Variants in FAM161B observed in about 807,000 individuals in gnomAD.
The protein encoded by FAM161B is protein FAM161B.
FAM161B carries 46 observed loss-of-function variants against 61.5 expected under a neutral mutation model. That is an observed-to-expected ratio of 0.75 (90% CI 0.59 to 0.96). The LOEUF (loss-of-function observed/expected upper bound fraction) is 0.96. Among genes scored for constraint, FAM161B ranks in the 40% least tolerant of loss-of-function variants. The pLI is 0.00. For missense variants in FAM161B, 774 were observed against 800.7 expected, an observed-to-expected ratio of 0.97 and a Z score of 0.40; for synonymous variants, 284 against 302.7, an observed-to-expected ratio of 0.94 and a Z score of 0.64.
chr14:73,946,125 A>G (rs151223726), intron 2 of FAM161B, among the ~76,000 whole-genome samples, 161 bp downstream of exon 2: 260 of 152,318 alleles, frequency 1.7e-3, no homozygotes, highest in African/African-American at 5.9e-3. Context: ...GAGGAATCAG[A>G]ACACCTGTTT....
chr14:73,944,565 T>G lies in FAM161B; in HGVS notation c.695A>C (p.Glu232Ala). Residue 232 changes from glutamate to alanine, a missense_variant, in exon 3 of 9, where the codon GAG becomes GCG. By Grantham distance (107) the Glu-to-Ala change is moderately radical. Transcript: ENST00000286544. ...TCGGGCCTCGCTGCGCTCCATGATC[T>G]CTTGGTAGAGGGGCAGGTAGACATG... ...PAHVYLPLYQEIMERSEARRQ... is the reference protein window; with the variant it reads ...PAHVYLPLYQAIMERSEARRQ... 1 of 1,614,014 alleles carries G rather than the reference T, an allele frequency of 6.2e-7. No homozygotes were observed. The highest frequency in any genetic ancestry group is 8.5e-7 in the Non-Finnish European group (1 of 1,179,982).
the FAM161B span, chr14:73,923,378 T>C: frequency 6.2e-7 from 1 of 1,608,604 alleles, no homozygotes; most frequent in Non-Finnish European, 8.5e-7. Flanking sequence ...TTGAAACATT[T>C]TTCTGTTGCT....
Position 73,932,561 on chromosome 14 carries a change from T to C in FAM161B, c.*1695A>G. On this transcript the variant is annotated 3_prime_UTR_variant, in exon 9 of 9. Transcript: ENST00000286544. ...TTAAAAAAGCTTGAGAAAGGTGCTT[T>C]AGTTAGAGCAGGCACTCTTGCTATC... 1 of 432,478 alleles carries C rather than the reference T, an allele frequency of 2.3e-6. No individual in the cohort carries two copies. Among genetic ancestry groups the C allele is most frequent in the Non-Finnish European group, 4.6e-6 (1 of 218,680 alleles). 26.8% of individuals were successfully genotyped at this position (432,478 alleles called of 1,614,324 possible). A position where few individuals can be genotyped will look rare whatever the true frequency, so the allele number is the denominator to read the frequency against.
chr14:73,939,679 G>A (rs17094107), intron 5 of FAM161B, among the ~76,000 whole-genome samples: 10,313 of 152,224 alleles, frequency 0.068, 867 homozygotes, highest in East Asian at 0.44. Context: ...AGAGAGAACT[G>A]GAAATGAGCC....
chr14:73,947,036 C>G (rs2056073177), intron 1 of FAM161B, among the ~76,000 whole-genome samples: 1 of 152,132 alleles, frequency 6.6e-6, no homozygotes, highest in African/African-American at 2.4e-5. Flanking sequence ...TCTCTCCCTT[C>G]CCTTATTTCT....
Position 73,942,665 on chromosome 14 carries a change from G to C in FAM161B, c.976C>G (p.Leu326Val). The change falls in exon 4 of 9, where the codon CTC becomes GTC. Residue 326 changes from leucine to valine, a missense_variant. Transcript: ENST00000286544. Reference sequence around the variant, plus strand: ...GCGATAGGGGAAGAGGCCATCTGGAGCATGTCCAGGGCTCTCATTTGGATG... The same window carrying C: ...GCGATAGGGGAAGAGGCCATCTGGACCATGTCCAGGGCTCTCATTTGGATG... ...IRIQMRALDM[L>V]QMASSPIASS... 1 of 1,614,198 alleles carries C rather than the reference G, an allele frequency of 6.2e-7. No homozygotes were observed. The highest frequency in any genetic ancestry group is 1.1e-5 in the South Asian group (1 of 91,084).
intron 7 of FAM161B, among the ~76,000 whole-genome samples, chr14:73,937,222 C>G (rs1276418592): frequency 6.6e-6 from 1 of 152,174 alleles, no homozygotes; most frequent in Admixed American, 6.5e-5. Context: ...TGGGGAGGCC[C>G]AGGGCCAGCA....
Position 73,934,145 on chromosome 14 carries a change from G to T in FAM161B, c.*111C>A. 1 of 1,302,212 alleles carries T rather than the reference G, an allele frequency of 7.7e-7. No homozygotes were observed. The highest frequency in any genetic ancestry group is 1.1e-6 in the Non-Finnish European group (1 of 950,266). 80.7% of individuals were successfully genotyped at this position (1,302,212 alleles called of 1,614,324 possible). A position where few individuals can be genotyped will look rare whatever the true frequency, so the allele number is the denominator to read the frequency against. ...CCTGTTAATCTGCTACTCTTCATTT[G>T]TCCATCCTCTAACAGTAGCCATGAC... On this transcript the variant is annotated 3_prime_UTR_variant, in exon 9 of 9. Coordinates refer to ENST00000286544, the MANE Select transcript of FAM161B (RefSeq NM_152445.3).
In FAM161B at chr14:73,932,761, A is replaced by T. The variant is rs778735315; in HGVS notation, c.*1495T>A. ...CACCTCAGCCTCCTGAATAGCTAGG[A>T]CTATAGGCATGTACCACCAGTCCAG... On this transcript the variant is annotated 3_prime_UTR_variant, in exon 9 of 9. Coordinates refer to ENST00000286544, the MANE Select transcript of FAM161B (RefSeq NM_152445.3). The T allele has an allele frequency of 1.5e-5, 4 of 266,052 alleles. No homozygotes were observed. Among genetic ancestry groups the T allele is most frequent in the African/African-American group, 2.3e-5 (1 of 44,152 alleles). 16.5% of individuals were successfully genotyped at this position (266,052 alleles called of 1,614,324 possible).
intron 5 of FAM161B, among the ~76,000 whole-genome samples, chr14:73,939,497 G>A (rs948473512): frequency 1.3e-5 from 2 of 152,146 alleles, no homozygotes; most frequent in African/African-American, 2.4e-5. Flanking sequence ...GGTGATTGAG[G>A]CTCAAAGGAG....
At position 73,933,437 on chromosome 14, in the gene FAM161B, G is replaced by GT. The variant is rs1566671639; in HGVS notation, c.*818dup. 2 of 152,196 alleles carry GT rather than the reference G, an allele frequency of 1.3e-5. No individual in the cohort carries two copies. The highest frequency in any genetic ancestry group is 2.4e-5 in the African/African-American group (1 of 41,444). 9.4% of individuals were successfully genotyped at this position (152,196 alleles called of 1,614,324 possible). ...GATAAGAAATCCTGTACTAGAAGTT[G>GT]TAAGTTTTTCATCCCCCATGGGCTA... is the stretch of plus-strand genomic sequence containing the variant. On this transcript the variant is annotated 3_prime_UTR_variant, in exon 9 of 9. Transcript: ENST00000286544.
chr14:73,926,624 G>A (rs1381507152), downstream of FAM161B, among the ~76,000 whole-genome samples: 1 of 151,998 alleles, frequency 6.6e-6, no homozygotes, highest in African/African-American at 2.4e-5. Flanking sequence ...TAGTAGAGAC[G>A]GGCTTTTACC....
rs1566672080 is a variant in FAM161B, at chr14:73,934,389, T to C, written c.1811A>G (p.Gln604Arg). The C allele has an allele frequency of 2.5e-6, 4 of 1,599,626 alleles. No homozygotes were observed. Among genetic ancestry groups the C allele is most frequent in the Non-Finnish European group, 2.6e-6 (3 of 1,176,420 alleles). ...TCTGATGCTGAGTTTTGTAGTTTCT[T>C]GGAACCTGCAGAATAAATTAAAACA... Reference protein sequence around the residue: ...ETKIKDFPRFQETTKLSIRDP... With the variant: ...ETKIKDFPRFRETTKLSIRDP... The change falls in exon 9 of 9, where the codon CAA becomes CGA. Residue 604 changes from glutamine to arginine, a missense_variant. Gln to Arg is a conservative substitution (Grantham distance 43, BLOSUM62 1). Coordinates refer to ENST00000286544, the MANE Select transcript of FAM161B (RefSeq NM_152445.3).
At chr14:73,935,145 A>T (rs2055960590) in intron 8 of FAM161B, among the ~76,000 whole-genome samples, 1 of 152,196 alleles carries the variant, frequency 6.6e-6, no homozygotes, top group African/African-American at 2.4e-5. Flanking sequence ...GATAGGAATT[A>T]GGGTAGGGGC....
At position 73,941,056 on chromosome 14, in the gene FAM161B, A is replaced by G. The variant is rs911830052; in HGVS notation, c.1273-3T>C. On this transcript the variant is annotated splice_polypyrimidine_tract_variant and splice_region_variant and intron_variant, in intron 4 of 8. Coordinates refer to ENST00000286544, the MANE Select transcript of FAM161B (RefSeq NM_152445.3). ...GTAGCTGGTGGCTGTGGGGAATCCT[A>G]GAAGAAACAAAGGTTGGTATTGGTG... 4.4e-6 allele frequency: 7 copies of G among 1,605,410 alleles called. No homozygotes were observed. The highest frequency in any genetic ancestry group is 2.7e-5 in the African/African-American group (2 of 74,256).
downstream of FAM161B, among the ~76,000 whole-genome samples, chr14:73,927,613 A>T (rs1051143329): frequency 6.6e-6 from 1 of 152,148 alleles, no homozygotes; most frequent in African/African-American, 2.4e-5. Context: ...TAAATGCCAG[A>T]TGTATGAAAA....
At chr14:73,923,382 T>C in the FAM161B span, 10 of 1,609,168 alleles carry the variant, frequency 6.2e-6, no homozygotes, top group East Asian at 2.2e-4. Flanking sequence ...AACATTTTTC[T>C]GTTGCTTCAC....
At chr14:73,923,993 C>T in the FAM161B span, among the ~76,000 whole-genome samples, 1 of 152,110 alleles carries the variant, frequency 6.6e-6, no homozygotes, top group Middle Eastern at 3.4e-3. Context: ...GAAAAAGTCC[C>T]TCAGCAAAAA....
intron 5 of FAM161B, among the ~76,000 whole-genome samples, chr14:73,938,885 T>A (rs568771957): frequency 6.6e-6 from 1 of 152,220 alleles, no homozygotes; most frequent in African/African-American, 2.4e-5. Flanking sequence ...CTGCCATTTT[T>A]AAAAATAATA....
Sources: allele counts gnomAD v4.1 joint callset (sites outside exome capture counted in the v4.1 genomes callset), GRCh38; gene constraint gnomAD v4.1.1; transcripts MANE v1.5; gene names NCBI Gene and HGNC (gene_info 2026-07-23, HGNC 2026-07-21).